Variants in ITGAM observed in about 807,000 individuals in gnomAD.
ITGAM encodes the protein integrin subunit alpha M.
ITGAM carries 79 observed loss-of-function variants against 137.5 expected under a neutral mutation model. The ratio of observed to expected loss-of-function variants is 0.57; its 90% CI spans 0.48 to 0.69. ITGAM has a LOEUF of 0.69. Among genes scored for constraint, ITGAM ranks in the 30% least tolerant of loss-of-function variants. The pLI, the probability that ITGAM is intolerant of heterozygous loss-of-function variation, is 0.00. For synonymous variants in ITGAM, 583 were observed against 592.3 expected (o/e 0.98, Z 0.23); for missense variants, 1,343 against 1,483.5 (o/e 0.91, Z 1.56).
At chr16:31,261,239 G>C (rs1270297123) in intron 1 of ITGAM, among the ~76,000 whole-genome samples, 1 of 126,856 alleles carries the variant, frequency 7.9e-6, no homozygotes, top group South Asian at 2.5e-4. Flanking sequence ...GTCTTTCTCT[G>C]TTGCCCAGGC....
At chr16:31,300,686 G>C (rs1347325921) in intron 14 of ITGAM, among the ~76,000 whole-genome samples, 1 of 152,188 alleles carries the variant, frequency 6.6e-6, no homozygotes. Flanking sequence ...CGAGGCGGGT[G>C]TATCACCTGA....
intron 12 of ITGAM, among the ~76,000 whole-genome samples, chr16:31,296,310 A>G (rs2080133208): frequency 6.7e-6 from 1 of 149,438 alleles, no homozygotes; most frequent in Non-Finnish European, 1.5e-5. Flanking sequence ...ATGGGGTTTC[A>G]CCATGATTTC....
At chr16:31,302,366 CT>C (rs1183760825) in intron 14 of ITGAM, among the ~76,000 whole-genome samples, 2 of 151,242 alleles carry the variant, frequency 1.3e-5, no homozygotes, top group African/African-American at 4.9e-5. Context: ...GAAGAACAAT[CT>C]TTTTTTCTTT....
Position 31,271,831 on chromosome 16 carries a change from G to A in ITGAM, c.559-16G>A. The A allele has an allele frequency of 6.2e-7, 1 of 1,613,894 alleles. No individual in the cohort carries two copies. Among genetic ancestry groups the A allele is most frequent in the Non-Finnish European group, 8.5e-7 (1 of 1,179,822 alleles). On this transcript the variant is annotated splice_polypyrimidine_tract_variant and intron_variant, in intron 6 of 29. Transcript: ENST00000544665. Reference sequence around the variant, plus strand: ...GGGCACCTTCTCCAGCATCACACCAGCCGCCCCCTCCGCAGTTCTCTTTGA... The same window carrying A: ...GGGCACCTTCTCCAGCATCACACCAACCGCCCCCTCCGCAGTTCTCTTTGA...
At chr16:31,282,500 G>A (rs2079980870) in intron 12 of ITGAM, among the ~76,000 whole-genome samples, 1 of 152,128 alleles carries the variant, frequency 6.6e-6, no homozygotes, top group African/African-American at 2.4e-5. Flanking sequence ...TTTGATCTTT[G>A]TTGGTTTAAA....
intron 5 of ITGAM, among the ~76,000 whole-genome samples, chr16:31,270,063 T>C (rs575864096): frequency 6.7e-6 from 1 of 148,204 alleles, no homozygotes; most frequent in East Asian, 1.9e-4. Flanking sequence ...GTGTGTGCCC[T>C]TCCCTTTTCT....
In ITGAM at chr16:31,276,695, C is replaced by A. The variant is rs745610582; in HGVS notation, c.1034C>A (p.Ser345Tyr). The change falls in exon 10 of 30, where the codon TCC becomes TAC. Residue 345 changes from serine to tyrosine, a missense_variant. Ser to Tyr is a moderately radical substitution (Grantham distance 144). Coordinates refer to ENST00000544665, the MANE Select transcript of ITGAM (RefSeq NM_000632.4). Reference protein sequence around the residue: ...IEGTQTGSSSSFEHEMSQEGF... With the variant: ...IEGTQTGSSSYFEHEMSQEGF... ...GGTACTCAGACAGGAAGTAGCAGCTCCTTTGAGCATGAGATGTCTCAGGAA... is the reference window on the plus strand; with the variant it reads ...GGTACTCAGACAGGAAGTAGCAGCTACTTTGAGCATGAGATGTCTCAGGAA... 1.6e-5 allele frequency: 26 copies of A among 1,612,012 alleles called. No individual in the cohort carries two copies. The highest frequency in any genetic ancestry group is 2.0e-5 in the Non-Finnish European group (23 of 1,179,124).
Position 31,331,995 on chromosome 16 carries a change from A to AAGTGTGTGCATGTGTGCG in ITGAM, c.*305_*322dup. 2.2e-6 allele frequency: 1 copy of AAGTGTGTGCATGTGTGCG among 463,932 alleles called. No individual in the cohort carries two copies. Among genetic ancestry groups the AAGTGTGTGCATGTGTGCG allele is most frequent in the Non-Finnish European group, 3.9e-6 (1 of 258,716 alleles). The allele number at this position is 463,932 out of a possible 1,614,324, so 28.7% of individuals were successfully genotyped here. ...TGTGTGCGTGTGTCCATGTGTGTGC[A>AAGTGTGTGCATGTGTGCG]AGTGTGTGCATGTGTGCGAGTGTGT... On this transcript the variant is annotated 3_prime_UTR_variant, in exon 30 of 30. Coordinates refer to ENST00000544665, the MANE Select transcript of ITGAM (RefSeq NM_000632.4).
intron 8 of ITGAM, among the ~76,000 whole-genome samples, chr16:31,275,158 A>T (rs898510689): frequency 2.0e-5 from 3 of 152,094 alleles, no homozygotes; most frequent in African/African-American, 4.8e-5. Context: ...AGAGGCAAGG[A>T]GTCAGGATCA....
chr16:31,260,175 T>A, intron 1 of ITGAM, 83 bp downstream of exon 1: 1 of 1,006,990 alleles, frequency 9.9e-7, no homozygotes, highest in Non-Finnish European at 1.4e-6. Context: ...CCAGAATATG[T>A]AGGAGTCAGT....
chr16:31,280,817 C>T (rs2079960789), intron 12 of ITGAM, among the ~76,000 whole-genome samples: 1 of 152,110 alleles, frequency 6.6e-6, no homozygotes, highest in Admixed American at 6.6e-5. Flanking sequence ...GGAATGCTTC[C>T]AGTTTTTGCC....
intron 12 of ITGAM, among the ~76,000 whole-genome samples, chr16:31,293,650 A>G (rs1020381997): frequency 3.3e-5 from 5 of 152,108 alleles, no homozygotes; most frequent in Non-Finnish European, 5.9e-5. Context: ...CCTGTAGTAT[A>G]GTTTGAAGTC....
At position 31,332,051 on chromosome 16, in the gene ITGAM, C is replaced by G. The variant is rs1453309609; in HGVS notation, c.*344C>G. On this transcript the variant is annotated 3_prime_UTR_variant, in exon 30 of 30. Coordinates refer to ENST00000544665, the MANE Select transcript of ITGAM (RefSeq NM_000632.4). ...TGTGTGCTCAGGGGCGTGTGGCTCA[C>G]GTGTGTGACTCAGATGTCTCTGGCG... The G allele has an allele frequency of 1.2e-5, 3 of 260,104 alleles. No homozygotes were observed. The highest frequency in any genetic ancestry group is 2.2e-5 in the Non-Finnish European group (3 of 135,554). 16.1% of individuals were successfully genotyped at this position (260,104 alleles called of 1,614,324 possible). A position where few individuals can be genotyped will look rare whatever the true frequency, so the allele number is the denominator to read the frequency against.
chr16:31,297,655 G>T lies in ITGAM; in HGVS notation c.1497+1G>T. ...GTCCGTGTGCCCCTTGCCCAGGGGG[G>T]TGAGTGGCAATGGGACCTGGGCTGG... On this transcript the variant is annotated splice_donor_variant, in intron 13 of 29. Transcript: ENST00000544665. LOFTEE classifies it high-confidence loss of function. 3 of 1,612,312 alleles carry T rather than the reference G, an allele frequency of 1.9e-6. No individual in the cohort carries two copies. Among genetic ancestry groups the T allele is most frequent in the Non-Finnish European group, 2.5e-6 (3 of 1,179,414 alleles).
At chr16:31,265,597 C>A in intron 3 of ITGAM, 99 bp downstream of exon 3, 1 of 849,496 alleles carries the variant, frequency 1.2e-6, no homozygotes, top group Non-Finnish European at 1.8e-6. Flanking sequence ...GGTGGGGACA[C>A]AGGTGCCTGC....
chr16:31,265,733 A>G, intron 3 of ITGAM, 78 bp from the exon 4 acceptor site: 1 of 1,254,568 alleles, frequency 8.0e-7, no homozygotes. Context: ...TCCCGCATGG[A>G]GGTGACCCCT....
At chr16:31,260,354 G>T (rs2079685749) in intron 1 of ITGAM, among the ~76,000 whole-genome samples, 1 of 152,118 alleles carries the variant, frequency 6.6e-6, no homozygotes, top group African/African-American at 2.4e-5. Flanking sequence ...GGAGACGGAG[G>T]CCCAGGGAGG....
In ITGAM at chr16:31,330,290, C is replaced by A. The variant is rs752217122; in HGVS notation, c.3061-18C>A. ...CTTCGGCTTCCTTACCCGTCCCCTC[C>A]CCTCCTGCGTTCCCCAGAACTGCTC... On this transcript the variant is annotated intron_variant, in intron 26 of 29. Transcript: ENST00000544665. The A allele has an allele frequency of 6.2e-7, 1 of 1,605,110 alleles. No homozygotes were observed. Among genetic ancestry groups the A allele is most frequent in the East Asian group, 2.2e-5 (1 of 44,824 alleles).
chr16:31,272,452 T>TAC, intron 7 of ITGAM, among the ~76,000 whole-genome samples: 1 of 13,292 alleles, frequency 7.5e-5, no homozygotes, highest in South Asian at 2.5e-3. Flanking sequence ...TATATATATA[T>TAC]ATATATATAT....
Sources: gnomAD v4.1 joint callset for allele counts (sites outside exome capture counted in the v4.1 genomes callset) on GRCh38, gnomAD v4.1.1 for gene constraint, MANE v1.5 for transcripts, NCBI Gene and HGNC (gene_info 2026-07-23, HGNC 2026-07-21) for gene names.